The following NBDY variants were observed in gnomAD, a reference collection of about 807,000 sequenced individuals.
NBDY encodes negative regulator of P-body association.
Position 56,761,531 on chromosome X carries a change from G to A in NBDY, c.*166+29332G>A, listed in dbSNP as rs1258489625. On this transcript the variant is annotated intron_variant, in intron 2 of 2. Coordinates refer to ENST00000374922, the MANE Select transcript of NBDY (RefSeq NM_001348129.2). ...CTGTGAAGCCACAGAAGGTCACTCG[G>A]GTTGCCACCTGTCCATCTGGGACAT... Among the ~76,000 whole-genome samples the A allele has an allele frequency of 4.4e-5, 5 of 113,322 alleles. No individual in the cohort carries two copies. In the East Asian group the frequency reaches 1.4e-3, roughly 32 times the overall value.
intron 2 of NBDY, among the ~76,000 whole-genome samples, chrX:56,794,996 G>C (rs192418633): frequency 1.8e-5 from 2 of 111,795 alleles, no homozygotes; most frequent in Non-Finnish European, 3.8e-5. Flanking sequence ...AAGTGGGAGG[G>C]GTATTTCTGG....
chrX:56,751,258 A>G (rs1431320510), intron 2 of NBDY, among the ~76,000 whole-genome samples: 1 of 111,128 alleles, frequency 9.0e-6, no homozygotes, highest in Non-Finnish European at 1.9e-5. Context: ...AGTGAACTTC[A>G]TTCTTCAAAT....
intron 2 of NBDY, among the ~76,000 whole-genome samples, chrX:56,747,334 A>C (rs904714198): frequency 2.7e-5 from 3 of 112,115 alleles, no homozygotes; most frequent in African/African-American, 9.7e-5. Flanking sequence ...GAGCAAGACT[A>C]GAAGAGCCAG....
chrX:56,763,527 C>T (rs1028788114), intron 2 of NBDY, among the ~76,000 whole-genome samples: 1 of 112,899 alleles, frequency 8.9e-6, no homozygotes, highest in Admixed American at 9.3e-5. Flanking sequence ...CCCAGTCCTG[C>T]AGCAGAACCT....
chrX:56,767,492 G>A (rs890006514), intron 2 of NBDY, among the ~76,000 whole-genome samples: 18 of 113,007 alleles, frequency 1.6e-4, no homozygotes, highest in African/African-American at 5.4e-4. Flanking sequence ...AGGTGTGGAG[G>A]GAGAGCCGCG....
At chrX:56,739,047 A>C (rs1320242813) in intron 2 of NBDY, among the ~76,000 whole-genome samples, 1 of 106,687 alleles carries the variant, frequency 9.4e-6, no homozygotes, top group Non-Finnish European at 1.9e-5. Flanking sequence ...GGTAGGTCAG[A>C]GAATTTCTTT....
rs973884224 is a variant in NBDY at position 56,746,921 on chromosome X, G to A, written c.*166+14722G>A. Among the ~76,000 whole-genome samples the A allele has an allele frequency of 1.2e-4, 13 of 111,577 alleles. No individual in the cohort carries two copies. The Admixed American group carries it at 1.2e-3, about 11-fold the overall frequency. ...TTAAAGATATATGCAATTAGAGTAT[G>A]CCCACCCAAATAATTCAGAATATTC... On this transcript the variant is annotated intron_variant, in intron 2 of 2. Transcript: ENST00000374922.
chrX:56,815,426 C>T (rs2069906420), intron 2 of NBDY, among the ~76,000 whole-genome samples: 1 of 111,808 alleles, frequency 8.9e-6, no homozygotes, highest in Non-Finnish European at 1.9e-5. Flanking sequence ...ATAAATCAAA[C>T]ATATACTATG....
At chrX:56,766,982 G>A (rs1429060192) in intron 2 of NBDY, among the ~76,000 whole-genome samples, 1 of 112,741 alleles carries the variant, frequency 8.9e-6, no homozygotes, top group Non-Finnish European at 1.9e-5. Flanking sequence ...CTGTTGAGCT[G>A]TCTATCCGTT....
rs750101791 is a variant in NBDY, at chrX:56,739,305, G to T, written c.*166+7106G>T. On this transcript the variant is annotated intron_variant, in intron 2 of 2. Coordinates refer to ENST00000374922, the MANE Select transcript of NBDY (RefSeq NM_001348129.2). Reference sequence around the variant, plus strand: ...ATTTTTATATATATATATATAGAGAGAGAGAGAGAGAGAGAAACTGTCTCT... The same window carrying T: ...ATTTTTATATATATATATATAGAGATAGAGAGAGAGAGAGAAACTGTCTCT... Among the ~76,000 whole-genome samples the T allele has an allele frequency of 8.3e-3, 714 of 86,380 alleles. 8 individuals carry two copies. Among genetic ancestry groups the T allele is most frequent in the Admixed American group, 0.041 (302 of 7,424 alleles). The allele number at this position is 86,380 out of a possible 115,157, so 75.0% of individuals were successfully genotyped here.
At chrX:56,783,830 A>AAC (rs1259500211) in intron 2 of NBDY, among the ~76,000 whole-genome samples, 1 of 112,662 alleles carries the variant, frequency 8.9e-6, no homozygotes, top group East Asian at 2.8e-4. Context: ...ATAAAACAAA[A>AAC]ACACACACAC....
intron 2 of NBDY, among the ~76,000 whole-genome samples, chrX:56,809,513 CCTT>C (rs1277976863): frequency 2.7e-5 from 3 of 111,871 alleles, no homozygotes; most frequent in Non-Finnish European, 5.6e-5. Context: ...TATGTAATGT[CCTT>C]CTTTGTCTCT....
intron 1 of NBDY, among the ~76,000 whole-genome samples, chrX:56,731,402 T>A (rs868526209): frequency 1.3e-3 from 92 of 71,053 alleles, no homozygotes; most frequent in African/African-American, 1.5e-3. Context: ...CTACTAAAAG[T>A]AAAAAAAAAA....
At chrX:56,765,672 C>T (rs2069661752) in intron 2 of NBDY, among the ~76,000 whole-genome samples, 1 of 110,624 alleles carries the variant, frequency 9.0e-6, no homozygotes, top group Non-Finnish European at 1.9e-5. Flanking sequence ...CCTCCTACCC[C>T]TCTTCTTTAA....
intron 2 of NBDY, among the ~76,000 whole-genome samples, chrX:56,814,989 ATATCT>A (rs1289210727): frequency 1.8e-5 from 2 of 111,038 alleles, no homozygotes; most frequent in Non-Finnish European, 3.8e-5. Context: ...CATTTCTGTC[ATATCT>A]TATACACAAT....
chrX:56,758,083 C>T (rs1286192325), intron 2 of NBDY, among the ~76,000 whole-genome samples: 3 of 110,603 alleles, frequency 2.7e-5, no homozygotes, highest in African/African-American at 6.6e-5. Flanking sequence ...CCTGTAATCT[C>T]AGCACTTTGG....
intron 2 of NBDY, among the ~76,000 whole-genome samples, chrX:56,808,455 A>T (rs2069866354): frequency 8.9e-6 from 1 of 112,146 alleles, no homozygotes; most frequent in Admixed American, 9.4e-5. Context: ...TGGTCTATTC[A>T]GGGATTCAAC....
intron 1 of NBDY, among the ~76,000 whole-genome samples, chrX:56,731,045 A>G (rs2069455134): frequency 9.0e-6 from 1 of 111,357 alleles, no homozygotes; most frequent in African/African-American, 3.3e-5. Flanking sequence ...AGATATTTCA[A>G]TAAATAAATC....
chrX:56,793,676 G>T (rs1193577158), intron 2 of NBDY, among the ~76,000 whole-genome samples: 2 of 110,915 alleles, frequency 1.8e-5, no homozygotes, highest in Non-Finnish European at 3.8e-5. Context: ...AGAGATGGTG[G>T]CGTGTGGCCC....
Sources: allele counts gnomAD v4.1 joint callset (sites outside exome capture counted in the v4.1 genomes callset), GRCh38; gene constraint gnomAD v4.1.1; transcripts MANE v1.5; gene names NCBI Gene and HGNC (gene_info 2026-07-23, HGNC 2026-07-21).